Variants in CLTC observed in about 807,000 individuals in gnomAD.
CLTC encodes clathrin heavy chain 1.
Under a neutral mutation model 195.8 loss-of-function variants are expected in CLTC, and 16 were observed. The observed-to-expected ratio is 0.08, with a 90% confidence interval of 0.06 to 0.12. The LOEUF is 0.12. CLTC is among the 10% of genes least tolerant of loss of function. CLTC has a pLI of 1.00. For synonymous variants in CLTC, 667 were observed against 689.4 expected (o/e 0.97, Z 0.51); for missense variants, 796 against 2,027.0 (o/e 0.39, Z 11.66).
At chr17:59,634,743 T>C (rs2031816061) in intron 1 of CLTC, among the ~76,000 whole-genome samples, 1 of 152,228 alleles carries the variant, frequency 6.6e-6, no homozygotes, top group Non-Finnish European at 1.5e-5. Context: ...GCTTGAAATC[T>C]GTGGAGCCTA....
intron 14 of CLTC, among the ~76,000 whole-genome samples, chr17:59,669,920 C>T (rs1202978988): frequency 6.6e-6 from 1 of 152,142 alleles, no homozygotes; most frequent in African/African-American, 2.4e-5. Flanking sequence ...GAAGAATTTA[C>T]TACCTGGGCT....
At chr17:59,688,291 T>C (rs1004818628) in intron 30 of CLTC, among the ~76,000 whole-genome samples, 4 of 152,210 alleles carry the variant, frequency 2.6e-5, no homozygotes, top group Non-Finnish European at 4.4e-5. Context: ...TTTGCCTTTT[T>C]TTCATGCACA....
chr17:59,639,090 T>C (rs1418970769), intron 1 of CLTC, among the ~76,000 whole-genome samples: 2 of 152,212 alleles, frequency 1.3e-5, no homozygotes, highest in Non-Finnish European at 2.9e-5. Context: ...CAAAATCGAA[T>C]CTGGAAACCA....
At chr17:59,665,206 C>T (rs1324823513) in intron 10 of CLTC, among the ~76,000 whole-genome samples, 1 of 143,806 alleles carries the variant, frequency 7.0e-6, no homozygotes, top group African/African-American at 2.6e-5. Context: ...ACCTGGGCAA[C>T]AGAGTGAGAC....
rs2033367548 is a variant in CLTC, at chr17:59,693,977, TTTTTG to T, written c.*129_*133del. ...TAACCTTTATTTCATGAAGGACTTC[TTTTTG>T]TTTCTAACTATAAACTTGGATCACC... On this transcript the variant is annotated 3_prime_UTR_variant, in exon 32 of 32. Coordinates refer to ENST00000269122, the MANE Select transcript of CLTC (RefSeq NM_004859.4). The T allele has an allele frequency of 1.0e-6, 1 of 1,004,942 alleles. No homozygotes were observed. The highest frequency in any genetic ancestry group is 1.7e-5 in the African/African-American group (1 of 60,088). 62.3% of individuals were successfully genotyped at this position (1,004,942 alleles called of 1,614,324 possible). A position where few individuals can be genotyped will look rare whatever the true frequency, so the allele number is the denominator to read the frequency against.
chr17:59,621,381 C>G (rs528621081), intron 1 of CLTC, among the ~76,000 whole-genome samples: 13 of 152,324 alleles, frequency 8.5e-5, no homozygotes, highest in African/African-American at 2.4e-4. Flanking sequence ...ACAGGGAATG[C>G]AGTGGTTTGA....
At chr17:59,620,322 GA>G in intron 1 of CLTC, 149 bp downstream of exon 1, 2 of 747,482 alleles carry the variant, frequency 2.7e-6, no homozygotes, top group South Asian at 3.2e-5. Context: ...CACTATCTTG[GA>G]AAGCTTAAAA....
At chr17:59,670,814 T>A (rs189282848) in intron 14 of CLTC, among the ~76,000 whole-genome samples, 75 of 152,326 alleles carry the variant, frequency 4.9e-4, no homozygotes, top group African/African-American at 1.6e-3. Flanking sequence ...CCATGGGATC[T>A]AATCAGATGA....
intron 3 of CLTC, 78 bp downstream of exon 3, chr17:59,647,744 T>G (rs1427648096): frequency 7.8e-7 from 1 of 1,274,726 alleles, no homozygotes; most frequent in Non-Finnish European, 1.1e-6. Context: ...ATTTTGAAAT[T>G]AGGTCTTTCT....
chr17:59,686,580 G>A (rs2033189912), intron 30 of CLTC, among the ~76,000 whole-genome samples: 1 of 152,044 alleles, frequency 6.6e-6, no homozygotes, highest in African/African-American at 2.4e-5. Context: ...TTTTCCTCAG[G>A]ATACCATTTA....
intron 16 of CLTC, among the ~76,000 whole-genome samples, chr17:59,676,108 A>C (rs113287589): frequency 3.3e-5 from 5 of 152,210 alleles, no homozygotes; most frequent in African/African-American, 1.2e-4. Context: ...GGGGAAGCTA[A>C]GGTGAGAGGA....
chr17:59,647,283 C>G, intron 2 of CLTC, 115 bp from the exon 3 acceptor site: 1 of 760,854 alleles, frequency 1.3e-6, no homozygotes, highest in Admixed American at 2.7e-5. Context: ...TGTATCGATG[C>G]AACTCGTCTC....
chr17:59,644,236 G>T, intron 1 of CLTC, 40 bp from the exon 2 acceptor site: 1 of 1,552,272 alleles, frequency 6.4e-7, no homozygotes, highest in Non-Finnish European at 8.8e-7. Flanking sequence ...CAAGTCTTTG[G>T]AATCCACTTG....
Position 59,666,048 on chromosome 17 carries a change from TCTA to T in CLTC, c.1645-53_1645-51del. The T allele has an allele frequency of 7.5e-7, 1 of 1,328,694 alleles. No homozygotes were observed. Among genetic ancestry groups the T allele is most frequent in the Non-Finnish European group, 1.1e-6 (1 of 948,002 alleles). 82.3% of individuals were successfully genotyped at this position (1,328,694 alleles called of 1,614,324 possible). ...AAGAAAGAGTTCATGCATAATTTTGTCTACATACTCTCCATAGTATCTTAAAAC... is the reference window on the plus strand; with the variant it reads ...AAGAAAGAGTTCATGCATAATTTTGTCATACTCTCCATAGTATCTTAAAAC... On this transcript the variant is annotated intron_variant, in intron 10 of 31. Coordinates refer to ENST00000269122, the MANE Select transcript of CLTC (RefSeq NM_004859.4). This position sits in a 1 kb window ranked among gnomAD's most constrained non-coding sequence, Gnocchi z 4.9.
chr17:59,636,234 G>T (rs1046981582), intron 1 of CLTC, among the ~76,000 whole-genome samples: 1 of 152,056 alleles, frequency 6.6e-6, no homozygotes, highest in African/African-American at 2.4e-5. Flanking sequence ...AGTGCTTGAT[G>T]TGTGTTAAAT....
rs1035380197 is a variant in CLTC, at chr17:59,684,134, A to G, written c.4434+149A>G. On this transcript the variant is annotated intron_variant, in intron 28 of 31. Transcript: ENST00000269122. ...TTTAGTAAGATTTCAGGATTGATAA[A>G]TCTTCTAATTAAGTGCCAAGTTTTC... 11 of 586,934 alleles carry G rather than the reference A, an allele frequency of 1.9e-5. No individual in the cohort carries two copies. The Admixed American group carries it at 1.9e-4, about 10-fold the overall frequency. The allele number at this position is 586,934 out of a possible 1,614,324, so 36.4% of individuals were successfully genotyped here.
At chr17:59,655,830 A>G (rs778464732) in intron 5 of CLTC, 24 bp from the exon 6 acceptor site, 4 of 1,502,698 alleles carry the variant, frequency 2.7e-6, no homozygotes, top group South Asian at 1.4e-5. Context: ...TTATTTTACT[A>G]AAGTGTTGAT....
chr17:59,691,623 T>TAA (rs112657594), intron 31 of CLTC, among the ~76,000 whole-genome samples: 13,120 of 140,632 alleles, frequency 0.093, 1,080 homozygotes, highest in East Asian at 0.42. Context: ...GACTCCGCCT[T>TAA]AAAAAAAAAA....
intron 4 of CLTC, among the ~76,000 whole-genome samples, chr17:59,650,555 C>G (rs940025385): frequency 2.0e-5 from 3 of 149,956 alleles, no homozygotes; most frequent in Admixed American, 2.0e-4. Context: ...TGGCACGATC[C>G]CGGTTCCCTG....
Sources: gnomAD v4.1 joint callset for allele counts (sites outside exome capture counted in the v4.1 genomes callset) on GRCh38, gnomAD v4.1.1 for gene constraint, Gnocchi (gnomAD v3.1) non-coding constraint, MANE v1.5 for transcripts, NCBI Gene and HGNC (gene_info 2026-07-23, HGNC 2026-07-21) for gene names.